Variants in KIAA0319 observed in about 807,000 individuals in gnomAD.
KIAA0319 encodes the protein KIAA0319.
KIAA0319 carries 83 observed loss-of-function variants against 108.4 expected under a neutral mutation model. The observed-to-expected ratio is 0.77, with a 90% CI of 0.64 to 0.92. The LOEUF (loss-of-function observed/expected upper bound fraction) is 0.92. KIAA0319 is among the 40% of genes least tolerant of loss of function. The pLI, the probability that KIAA0319 is intolerant of heterozygous loss-of-function variation, is 0.00. For synonymous variants in KIAA0319, 484 were observed against 510.4 expected (o/e 0.95, Z 0.70); for missense variants, 1,195 against 1,322.4 (o/e 0.90, Z 1.49).
chr6:24,634,472 T>TA lies in KIAA0319; in HGVS notation c.-106+11263dup, dbSNP rs1240805120. Among the ~76,000 whole-genome samples the TA allele has an allele frequency of 3.3e-5, 5 of 152,292 alleles. No individual in the cohort carries two copies. The East Asian group carries it at 9.6e-4, about 29-fold the overall frequency. ...AGAGAAAGAGCATCACAATGAATAT[T>TA]AAAATGTAAGTTTTAATGTGGCTCA... On this transcript the variant is annotated intron_variant, in intron 1 of 20. Transcript: ENST00000378214.
chr6:24,559,217 C>T, intron 16 of KIAA0319, 62 bp from the exon 17 acceptor site: 3 of 1,566,972 alleles, frequency 1.9e-6, no homozygotes, highest in Non-Finnish European at 2.6e-6. Flanking sequence ...CATGACACGC[C>T]CACCACAGCA....
chr6:24,599,732 G>C lies in KIAA0319; in HGVS notation c.55+1317C>G. The C allele has an allele frequency of 1.8e-6, 1 of 562,840 alleles. No individual in the cohort carries two copies. The highest frequency in any genetic ancestry group is 3.3e-6 in the Non-Finnish European group (1 of 306,618). The allele number at this position is 562,840 out of a possible 1,614,324, so 34.9% of individuals were successfully genotyped here. ...CCTTCAGGGCCATGGTTGTGAAGAA[G>C]ATCGAGATTTGTGATAGGAAACTGG... is the stretch of plus-strand genomic sequence containing the variant. On this transcript the variant is annotated intron_variant, in intron 2 of 20. Coordinates refer to ENST00000378214, the MANE Select transcript of KIAA0319 (RefSeq NM_014809.4). The surrounding 1 kb of genome is among the most constrained non-coding windows in gnomAD (Gnocchi z 4.1).
At chr6:24,581,050 A>G in intron 6 of KIAA0319, 37 bp from the exon 7 acceptor site, 1 of 1,302,912 alleles carries the variant, frequency 7.7e-7, no homozygotes, top group Non-Finnish European at 1.1e-6. Flanking sequence ...TTCAACATGC[A>G]AGACGTGATG....
intron 3 of KIAA0319, among the ~76,000 whole-genome samples, chr6:24,593,765 A>G (rs1768928116): frequency 6.6e-6 from 1 of 152,116 alleles, no homozygotes; most frequent in Non-Finnish European, 1.5e-5. Context: ...TTTTTAATAG[A>G]GCTTGATTTC....
Position 24,596,106 on chromosome 6 carries a change from C to A in KIAA0319, c.568G>T (p.Gly190Cys), listed in dbSNP as rs759190220. The change falls in exon 3 of 21, where the codon GGC becomes TGC. Residue 190 changes from glycine to cysteine, a missense_variant. Coordinates refer to ENST00000378214, the MANE Select transcript of KIAA0319 (RefSeq NM_014809.4). Reference sequence around the variant, plus strand: ...GAGGAGTTGAAGGCCCCCTCGCTGCCCGGCAGTAGGCCCCAGTCCGTGTAC... The same window carrying A: ...GAGGAGTTGAAGGCCCCCTCGCTGCACGGCAGTAGGCCCCAGTCCGTGTAC... ...AEYTDWGLLP[G>C]SEGAFNSSVG... The A allele has an allele frequency of 5.6e-6, 9 of 1,613,398 alleles. No individual in the cohort carries two copies. Among genetic ancestry groups the A allele is most frequent in the Non-Finnish European group, 7.6e-6 (9 of 1,179,852 alleles).
intron 3 of KIAA0319, among the ~76,000 whole-genome samples, chr6:24,595,546 CAAAAAAAAAAAAAA>C (rs60291863): frequency 4.6e-5 from 2 of 43,276 alleles, no homozygotes; most frequent in African/African-American, 1.7e-4. Flanking sequence ...GATTCAATCT[CAAAAAAAAAAAAAA>C]AAAAAAAAAA....
At chr6:24,549,502 G>A (rs1279748390) in intron 20 of KIAA0319, among the ~76,000 whole-genome samples, 1 of 152,038 alleles carries the variant, frequency 6.6e-6, no homozygotes, top group Non-Finnish European at 1.5e-5. Flanking sequence ...CTCCTCTTCT[G>A]TGGCATTTTG....
At chr6:24,602,103 C>T (rs1171127528) in intron 1 of KIAA0319, among the ~76,000 whole-genome samples, 1 of 151,924 alleles carries the variant, frequency 6.6e-6, no homozygotes, top group Non-Finnish European at 1.5e-5. Flanking sequence ...CTGCAAACTC[C>T]GCCTCCTGGG....
chr6:24,587,129 A>T (rs1213586645), intron 4 of KIAA0319, among the ~76,000 whole-genome samples: 1 of 151,948 alleles, frequency 6.6e-6, no homozygotes, highest in Non-Finnish European at 1.5e-5. Context: ...ACATCCTTAC[A>T]TTCATTCAAT....
chr6:24,597,940 A>AAAAAAAAAAAAAAAC (rs1562032993), intron 2 of KIAA0319: 7 of 146,988 alleles, frequency 4.8e-5, no homozygotes, highest in African/African-American at 1.9e-4. Flanking sequence ...AAAAAAAAAA[A>AAAAAAAAAAAAAAAC]AAAAAAAAAA....
rs201365492 is a variant in KIAA0319, at chr6:24,547,239, C to T, written c.3145G>A (p.Gly1049Arg). Residue 1049 changes from glycine to arginine, a missense_variant, in exon 21 of 21, where the codon GGG becomes AGG. Physicochemically the swap from Gly to Arg is moderately radical, Grantham distance 125 (BLOSUM62 -2). Coordinates refer to ENST00000378214, the MANE Select transcript of KIAA0319 (RefSeq NM_014809.4). ...CCATTCATGGAAACCTTTGGATTCCCTCTCTCCATCTTTTCTCGGCTGAAG... is the reference window on the plus strand; with the variant it reads ...CCATTCATGGAAACCTTTGGATTCCTTCTCTCCATCTTTTCTCGGCTGAAG... ...TIFSREKMER[G>R]NPKVSMNGSI... The T allele has an allele frequency of 1.2e-6, 2 of 1,614,074 alleles. No individual in the cohort carries two copies. The highest frequency in any genetic ancestry group is 8.5e-7 in the Non-Finnish European group (1 of 1,179,912).
intron 3 of KIAA0319, among the ~76,000 whole-genome samples, chr6:24,589,700 C>G (rs1398621275): frequency 6.6e-6 from 1 of 152,202 alleles, no homozygotes; most frequent in Non-Finnish European, 1.5e-5. Context: ...ATTAACCAGT[C>G]TTAGGTATGT....
chr6:24,567,206 T>G (rs116128688), intron 13 of KIAA0319, among the ~76,000 whole-genome samples: 1 of 151,878 alleles, frequency 6.6e-6, no homozygotes, highest in African/African-American at 2.4e-5. Flanking sequence ...AAAAAAAAAT[T>G]TGAGTAAAAA....
At chr6:24,594,654 A>AC (rs1752811401) in intron 3 of KIAA0319, among the ~76,000 whole-genome samples, 2 of 151,234 alleles carry the variant, frequency 1.3e-5, no homozygotes, top group South Asian at 2.1e-4. Context: ...AAAAAAAAAA[A>AC]CACTTAAAAA....
chr6:24,631,977 T>C lies in KIAA0319; in HGVS notation c.-106+13759A>G, dbSNP rs150264652. On this transcript the variant is annotated intron_variant, in intron 1 of 20. Transcript: ENST00000378214. ...ACAGCTGGTGATTACTAACCTTTAG[T>C]ATCAGGCAACTGTTCATAAACCTGA... 2.7e-3 allele frequency among the ~76,000 whole-genome samples: 415 copies of C among 152,352 alleles called. 13 individuals carry two copies. Among genetic ancestry groups the C allele is most frequent in the East Asian group, 0.012 (62 of 5,190 alleles).
chr6:24,633,616 A>G (rs1347041839), intron 1 of KIAA0319, among the ~76,000 whole-genome samples: 3 of 152,172 alleles, frequency 2.0e-5, no homozygotes, highest in Non-Finnish European at 2.9e-5. Context: ...AAAAAATTAG[A>G]AGAATGAATT....
At chr6:24,584,361 T>C (rs953966164) in intron 4 of KIAA0319, among the ~76,000 whole-genome samples, 7 of 150,546 alleles carry the variant, frequency 4.6e-5, no homozygotes, top group Non-Finnish European at 7.4e-5. Flanking sequence ...TTTGGCTCCA[T>C]TGGACATTAG....
chr6:24,614,653 T>C (rs894003995), intron 1 of KIAA0319, among the ~76,000 whole-genome samples: 2 of 152,220 alleles, frequency 1.3e-5, no homozygotes, highest in African/African-American at 4.8e-5. Flanking sequence ...AATCTGGGTA[T>C]GTCTGACATC....
At chr6:24,608,048 T>G (rs1174196574) in intron 1 of KIAA0319, among the ~76,000 whole-genome samples, 1 of 151,880 alleles carries the variant, frequency 6.6e-6, no homozygotes, top group East Asian at 1.9e-4. Flanking sequence ...TAACAACAAC[T>G]AGGTAGAAGA....
Sources: gnomAD v4.1 joint callset for allele counts (sites outside exome capture counted in the v4.1 genomes callset) on GRCh38, gnomAD v4.1.1 for gene constraint, Gnocchi (gnomAD v3.1) non-coding constraint, MANE v1.5 for transcripts, NCBI Gene and HGNC (gene_info 2026-07-23, HGNC 2026-07-21) for gene names.